The following SBNO1 variants were observed in gnomAD, a reference collection of about 807,000 sequenced individuals.
SBNO1 encodes the protein protein strawberry notch homolog 1.
In SBNO1, 23 loss-of-function variants were observed where a neutral mutation model predicts 173.6. That is an observed-to-expected ratio of 0.13 (90% CI 0.10 to 0.19). The LOEUF is 0.19. Among genes scored for constraint, SBNO1 ranks in the 10% least tolerant of loss-of-function variants. The pLI, the probability that SBNO1 is intolerant of heterozygous loss-of-function variation, is 1.00. For synonymous variants in SBNO1, 632 were observed against 571.5 expected, an observed-to-expected ratio of 1.11 and a Z score of -1.51; for missense variants, 1,238 against 1,671.2, an observed-to-expected ratio of 0.74 and a Z score of 4.52.
At position 123,292,059 on chromosome 12, in the gene SBNO1, GCCCT is replaced by G. The variant is rs2048520466; in HGVS notation, c.*3845_*3848del. 6.7e-6 allele frequency: 1 copy of G among 148,682 alleles called. No homozygotes were observed. The highest frequency in any genetic ancestry group is 2.5e-5 in the African/African-American group (1 of 40,324). The allele number at this position is 148,682 out of a possible 1,614,324, so 9.2% of individuals were successfully genotyped here. On this transcript the variant is annotated 3_prime_UTR_variant, in exon 32 of 32. Transcript: ENST00000602398. The stretch of plus-strand genomic sequence containing the variant: ...TTTGCAGTTTTTGCTCTCAGCTGTA[GCCCT>G]GACATGAAACGCTTGCTACGTTTCT...
At chr12:123,347,223 C>T (rs369495731) in intron 3 of SBNO1, among the ~76,000 whole-genome samples, 2 of 151,664 alleles carry the variant, frequency 1.3e-5, no homozygotes, top group Non-Finnish European at 2.9e-5. Context: ...ATTAATTATG[C>T]TTTTTTGTTG....
intron 1 of SBNO1, among the ~76,000 whole-genome samples, chr12:123,352,419 G>A (rs1274564698): frequency 6.6e-6 from 1 of 151,526 alleles, no homozygotes; most frequent in Non-Finnish European, 1.5e-5. Context: ...TGATGCTCCT[G>A]CCTCACCCTC....
chr12:123,321,539 TTCA>T lies in SBNO1; in HGVS notation c.2316_2318del (p.Asp772del). 6.2e-7 allele frequency: 1 copy of T among 1,608,740 alleles called. No individual in the cohort carries two copies. The highest frequency in any genetic ancestry group is 8.5e-7 in the Non-Finnish European group (1 of 1,175,132). ...TATTTAATATACTGAACTTACCATT[TTCA>T]TCATCCTCATTAGACTCATCTAAAA... On this transcript the variant is annotated inframe_deletion, in exon 17 of 32. Coordinates refer to ENST00000602398, the MANE Select transcript of SBNO1 (RefSeq NM_001167856.3).
intron 13 of SBNO1, among the ~76,000 whole-genome samples, chr12:123,327,138 C>G (rs1472580014): frequency 6.6e-6 from 1 of 152,072 alleles, no homozygotes; most frequent in Non-Finnish European, 1.5e-5. Context: ...CCCCAAGTAG[C>G]TGGCACTACA....
chr12:123,338,729 T>C (rs964880694), intron 5 of SBNO1, among the ~76,000 whole-genome samples: 2 of 151,492 alleles, frequency 1.3e-5, no homozygotes, highest in Non-Finnish European at 2.9e-5. Context: ...CTGGGTGTGG[T>C]GGTGGTGGTG....
chr12:123,292,719 TACAC>T lies in SBNO1; in HGVS notation c.*3185_*3188del, dbSNP rs147400824. On this transcript the variant is annotated 3_prime_UTR_variant, in exon 32 of 32. Coordinates refer to ENST00000602398, the MANE Select transcript of SBNO1 (RefSeq NM_001167856.3). ...GTTAGAATAAATATATATAGATACA[TACAC>T]ACACTACATTGCTTTGGATGCAGGT... The T allele has an allele frequency of 2.0e-5, 3 of 152,168 alleles. No homozygotes were observed. The highest frequency in any genetic ancestry group is 2.9e-5 in the Non-Finnish European group (2 of 68,034). 9.4% of individuals were successfully genotyped at this position (152,168 alleles called of 1,614,324 possible). A position where few individuals can be genotyped will look rare whatever the true frequency, so the allele number is the denominator to read the frequency against.
At chr12:123,361,677 T>A (rs2139113199) in intron 1 of SBNO1, among the ~76,000 whole-genome samples, 1 of 143,662 alleles carries the variant, frequency 7.0e-6, no homozygotes, top group East Asian at 2.1e-4. Flanking sequence ...GAGGTTGCAG[T>A]GAGCTCAGAT....
intron 23 of SBNO1, among the ~76,000 whole-genome samples, chr12:123,314,348 TGA>T (rs1362784617): frequency 2.0e-5 from 3 of 151,380 alleles, no homozygotes; most frequent in Admixed American, 6.6e-5. Flanking sequence ...TTTTTTTCTT[TGA>T]GACGGAGTCT....
intron 25 of SBNO1, 101 bp from the exon 26 acceptor site, chr12:123,309,957 CCTT>C (rs2049012445): frequency 1.1e-6 from 1 of 897,970 alleles, no homozygotes; most frequent in South Asian, 1.7e-5. Context: ...TAAAAGTCTT[CCTT>C]CTTAACTCTT....
At chr12:123,316,546 G>T (rs909888337) in intron 21 of SBNO1, among the ~76,000 whole-genome samples, 2 of 151,478 alleles carry the variant, frequency 1.3e-5, no homozygotes, top group South Asian at 2.1e-4. Flanking sequence ...TTGAGACAAG[G>T]TCACGCTCTG....
intron 2 of SBNO1, 131 bp from the exon 3 acceptor site, chr12:123,348,264 T>C (rs1007343405): frequency 2.1e-5 from 11 of 528,756 alleles, no homozygotes; most frequent in Non-Finnish European, 3.2e-5. Context: ...AACAGCAGAT[T>C]TATAATGTAA....
At chr12:123,319,294 A>G (rs1450280951) in intron 20 of SBNO1, among the ~76,000 whole-genome samples, 1 of 151,974 alleles carries the variant, frequency 6.6e-6, no homozygotes, top group Non-Finnish European at 1.5e-5. Flanking sequence ...TCATGATTAA[A>G]TATTTCAAAA....
At chr12:123,339,458 C>A (rs1411862939) in intron 5 of SBNO1, among the ~76,000 whole-genome samples, 1 of 152,096 alleles carries the variant, frequency 6.6e-6, no homozygotes, top group Non-Finnish European at 1.5e-5. Flanking sequence ...CAGGTCCCTC[C>A]ATGTCTACTG....
chr12:123,294,601 A>G lies in SBNO1; in HGVS notation c.*1307T>C, dbSNP rs1182030756. 1 of 157,452 alleles carries G rather than the reference A, an allele frequency of 6.4e-6. No individual in the cohort carries two copies. The highest frequency in any genetic ancestry group is 2.5e-5 in the African/African-American group (1 of 40,020). 9.8% of individuals were successfully genotyped at this position (157,452 alleles called of 1,614,324 possible). A position where few individuals can be genotyped will look rare whatever the true frequency, so the allele number is the denominator to read the frequency against. ...TGCAGCTTTTTACCAGGTTTATACAATCTCGATTTTTCAATAGTGCAACCT... is the reference window on the plus strand; with the variant it reads ...TGCAGCTTTTTACCAGGTTTATACAGTCTCGATTTTTCAATAGTGCAACCT... On this transcript the variant is annotated 3_prime_UTR_variant, in exon 32 of 32. Transcript: ENST00000602398.
chr12:123,339,331 T>C (rs1183422314), intron 5 of SBNO1, among the ~76,000 whole-genome samples: 1 of 151,928 alleles, frequency 6.6e-6, no homozygotes, highest in African/African-American at 2.4e-5. Flanking sequence ...CCTTCTTACT[T>C]CCCCCTTAGG....
At chr12:123,329,212 C>A (rs1252216035) in intron 9 of SBNO1, among the ~76,000 whole-genome samples, 6 of 151,978 alleles carry the variant, frequency 3.9e-5, no homozygotes, top group Admixed American at 3.9e-4. Flanking sequence ...GAAACCCCAT[C>A]CCTACAAAAA....
At chr12:123,301,306 C>T (rs757866976) in intron 30 of SBNO1, among the ~76,000 whole-genome samples, 1 of 152,130 alleles carries the variant, frequency 6.6e-6, no homozygotes, top group Non-Finnish European at 1.5e-5. Flanking sequence ...CCTAGCCAGC[C>T]TACCTTTTAA....
At chr12:123,357,854 T>C (rs1389454261) in intron 1 of SBNO1, among the ~76,000 whole-genome samples, 2 of 152,202 alleles carry the variant, frequency 1.3e-5, no homozygotes, top group African/African-American at 2.4e-5. Context: ...CTGCAAAACC[T>C]GTAGGAAGAA....
intron 30 of SBNO1, among the ~76,000 whole-genome samples, chr12:123,299,695 AAAAAC>A (rs1157604557): frequency 2.5e-4 from 38 of 151,216 alleles, no homozygotes; most frequent in African/African-American, 8.0e-4. Context: ...AAAAAAAAAA[AAAAAC>A]AAAAAAGCCA....
Sources: gnomAD v4.1 joint callset for allele counts (sites outside exome capture counted in the v4.1 genomes callset) on GRCh38, gnomAD v4.1.1 for gene constraint, MANE v1.5 for transcripts, NCBI Gene and HGNC (gene_info 2026-07-23, HGNC 2026-07-21) for gene names.